HOXD3: variants seen among roughly 807,000 people sequenced by gnomAD.
The protein encoded by HOXD3 is homeobox D3.
Under a neutral mutation model 32.8 loss-of-function variants are expected in HOXD3, and 13 were observed. The observed-to-expected ratio is 0.40, with a 90% CI of 0.26 to 0.63. The LOEUF is 0.63. HOXD3 is among the 20% of genes least tolerant of loss of function. The probability of loss-of-function intolerance (pLI) is 0.44; values close to 1 mark genes in which losing one functional copy is unlikely to be tolerated. For synonymous variants in HOXD3, 241 were observed against 246.8 expected, an observed-to-expected ratio of 0.98 and a Z score of 0.22; for missense variants, 504 against 577.1, an observed-to-expected ratio of 0.87 and a Z score of 1.30.
intron 2 of HOXD3, 103 bp from the exon 3 acceptor site, chr2:176,168,928 G>C (rs1352718711): frequency 1.3e-6 from 1 of 780,280 alleles, no homozygotes; most frequent in Non-Finnish European, 1.9e-6. Context: ...CCATCTCCCC[G>C]CCGTGAAGTG....
upstream of HOXD3, among the ~76,000 whole-genome samples, chr2:176,154,599 G>GA (rs1690607498): frequency 6.6e-6 from 1 of 152,100 alleles, no homozygotes; most frequent in South Asian, 2.1e-4. Context: ...AAGTGGGAGG[G>GA]AAAAAAGAGT....
chr2:176,152,924 G>A (rs777306654), upstream of HOXD3: 6 of 1,614,142 alleles, frequency 3.7e-6, no homozygotes, highest in Admixed American at 5.0e-5. The surrounding 1 kb of genome is among the most constrained non-coding windows in gnomAD (Gnocchi z 5.2). Flanking sequence ...ACCACCACAC[G>A]GACCTGACGA....
At chr2:176,171,171 G>A (rs951552072) in intron 3 of HOXD3, among the ~76,000 whole-genome samples, 13 of 152,156 alleles carry the variant, frequency 8.5e-5, no homozygotes, top group African/African-American at 3.1e-4. Flanking sequence ...TTTGACAGAG[G>A]GAGGCCTTAC....
At chr2:176,167,104 T>C (rs1690995488) in intron 2 of HOXD3, among the ~76,000 whole-genome samples, 1 of 152,182 alleles carries the variant, frequency 6.6e-6, no homozygotes, top group Non-Finnish European at 1.5e-5. Context: ...TTTAACTCTT[T>C]AGGAGCCTTT....
chr2:176,155,313 C>T (rs1690621724), upstream of HOXD3, among the ~76,000 whole-genome samples: 2 of 152,178 alleles, frequency 1.3e-5, no homozygotes, highest in South Asian at 4.1e-4. Flanking sequence ...AGGTTACTCA[C>T]CCCCAGTTTC....
intron 3 of HOXD3, among the ~76,000 whole-genome samples, chr2:176,170,627 C>T (rs1306386985): frequency 1.3e-5 from 2 of 152,200 alleles, no homozygotes; most frequent in African/African-American, 2.4e-5. Flanking sequence ...TATCAGGGAT[C>T]TGGTTTGCCT....
chr2:176,153,120 C>T (rs1063656), upstream of HOXD3: 79,635 of 367,428 alleles, frequency 0.22, 9,286 homozygotes, highest in Non-Finnish European at 0.27. Context: ...CTCCCTAGAG[C>T]GGGATGGGGA....
intron 1 of HOXD3, among the ~76,000 whole-genome samples, chr2:176,159,116 G>C (rs2105431653): frequency 6.6e-6 from 1 of 152,266 alleles, no homozygotes; most frequent in Admixed American, 6.5e-5. Flanking sequence ...AGAAGGCTTA[G>C]ATCCTTTCCT....
intron 1 of HOXD3, among the ~76,000 whole-genome samples, chr2:176,157,825 G>A (rs1411160950): frequency 6.6e-6 from 1 of 152,168 alleles, no homozygotes; most frequent in African/African-American, 2.4e-5. Context: ...GTAAAAAACC[G>A]GCCCGGCTGG....
rs1691214235 is a variant in HOXD3 at position 176,172,082 on chromosome 2, G to A, written c.1107G>A (p.Ala369=). ...ACTTCGTCGAGTCCATGGCGCCCGC[G>A]TCCGGGCCTGTCTTCAACCTGGGCC... ...GGNFVESMAP[A]SGPVFNLGHL... is the part of the protein sequence containing the mutation. Residue 369 remains alanine (A), a synonymous_variant, in exon 4 of 4, where the codon GCG becomes GCA. Coordinates refer to ENST00000683222, the MANE Select transcript of HOXD3 (RefSeq NM_006898.5). The A allele has an allele frequency of 1.2e-6, 2 of 1,611,316 alleles. No homozygotes were observed. Among genetic ancestry groups the A allele is most frequent in the African/African-American group, 1.3e-5 (1 of 74,930 alleles).
Position 176,169,273 on chromosome 2 carries a change from T to A in HOXD3, c.159T>A (p.Pro53=). The change falls in exon 3 of 4, where the codon CCT becomes CCA. Residue 53 remains proline (P), a synonymous_variant. Transcript: ENST00000683222. ...CCCCCCACCAGCCCTACCCACCCCC[T>A]GCTGCTGCCAGCTCCCTGGACACTG... is the stretch of plus-strand genomic sequence containing the variant. ...YSTPHQPYPP[P]AAASSLDTDY... 1 of 1,612,192 alleles carries A rather than the reference T, an allele frequency of 6.2e-7. No homozygotes were observed. Among genetic ancestry groups the A allele is most frequent in the Non-Finnish European group, 8.5e-7 (1 of 1,178,540 alleles).
chr2:176,154,372 G>C (rs974410528), upstream of HOXD3, among the ~76,000 whole-genome samples: 1 of 152,098 alleles, frequency 6.6e-6, no homozygotes, highest in African/African-American at 2.4e-5. Flanking sequence ...GGAGGAAGAA[G>C]TCAAAGTTAA....
upstream of HOXD3, chr2:176,152,881 C>A (rs762474425): frequency 8.7e-6 from 14 of 1,614,086 alleles, 2 homozygotes; most frequent in South Asian, 1.4e-4. The surrounding 1 kb of genome is among the most constrained non-coding windows in gnomAD (Gnocchi z 5.2). Flanking sequence ...TCCTCAGTCG[C>A]CCCCAGCCAG....
At chr2:176,161,742 A>G (rs1304439137) in intron 1 of HOXD3, among the ~76,000 whole-genome samples, 1 of 152,240 alleles carries the variant, frequency 6.6e-6, no homozygotes, top group Non-Finnish European at 1.5e-5. Flanking sequence ...AGGTTCCTCC[A>G]CATTTCCCTT....
intron 1 of HOXD3, among the ~76,000 whole-genome samples, chr2:176,162,875 T>TA (rs1690851258): frequency 6.6e-6 from 1 of 152,092 alleles, no homozygotes; most frequent in African/African-American, 2.4e-5. Context: ...AATAAATAAA[T>TA]AAAAAATAAT....
chr2:176,164,221 C>T (rs1165556350), intron 2 of HOXD3, 53 bp downstream of exon 2: 4 of 152,146 alleles, frequency 2.6e-5, no homozygotes, highest in African/African-American at 9.7e-5. Flanking sequence ...CTCTGCAACT[C>T]AAGGTGGCCA....
At chr2:176,163,664 C>T (rs918969367) in intron 1 of HOXD3, among the ~76,000 whole-genome samples, 2 of 152,176 alleles carry the variant, frequency 1.3e-5, no homozygotes, top group African/African-American at 4.8e-5. Flanking sequence ...GCCTCCCCTG[C>T]CAAACCCCCA....
chr2:176,153,218 T>C (rs894183578), upstream of HOXD3: 15 of 477,176 alleles, frequency 3.1e-5, no homozygotes, highest in African/African-American at 2.9e-4. Context: ...ATTAAACTTA[T>C]GAAAATCACC....
chr2:176,152,876 A>G (rs1042160611), upstream of HOXD3: 1 of 1,614,146 alleles, frequency 6.2e-7, no homozygotes, highest in Non-Finnish European at 8.5e-7. The surrounding 1 kb of genome is among the most constrained non-coding windows in gnomAD (Gnocchi z 5.2). Flanking sequence ...GCTCCTCCTC[A>G]GTCGCCCCCA....
Sources: gnomAD v4.1 joint callset for allele counts (sites outside exome capture counted in the v4.1 genomes callset) on GRCh38, gnomAD v4.1.1 for gene constraint, Gnocchi (gnomAD v3.1) non-coding constraint, MANE v1.5 for transcripts, NCBI Gene and HGNC (gene_info 2026-07-23, HGNC 2026-07-21) for gene names.